Variants in CHD9 observed in about 807,000 individuals in gnomAD.
CHD9 encodes the protein chromodomain helicase DNA binding protein 9.
Under a neutral mutation model 316.1 loss-of-function variants are expected in CHD9, and 77 were observed. The observed-to-expected ratio is 0.24, with a 90% CI of 0.20 to 0.29. The LOEUF is 0.29. Ranked by LOEUF, CHD9 falls within the 10% of genes least tolerant of loss-of-function variation. CHD9 has a pLI of 1.00. For missense variants in CHD9, 2,763 were observed against 3,438.1 expected (o/e 0.80, Z 4.91); for synonymous variants, 1,129 against 1,158.3 (o/e 0.97, Z 0.51).
intron 1 of CHD9, among the ~76,000 whole-genome samples, chr16:53,098,658 G>A (rs139995029): frequency 0.011 from 1,729 of 152,144 alleles, 22 homozygotes; most frequent in Non-Finnish European, 0.018. Flanking sequence ...CTCAATCAAC[G>A]CGAGGCAGGA....
chr16:53,170,948 A>C (rs1482884886), intron 2 of CHD9, among the ~76,000 whole-genome samples: 1 of 152,188 alleles, frequency 6.6e-6, no homozygotes, highest in African/African-American at 2.4e-5. Flanking sequence ...CATATAACAA[A>C]TATGCATAAC....
rs546202794 is a variant in CHD9 at position 53,325,774 on chromosome 16, T to G, written c.*879T>G. 7 of 152,330 alleles carry G rather than the reference T, an allele frequency of 4.6e-5. No individual in the cohort carries two copies. Among genetic ancestry groups the G allele is most frequent in the African/African-American group, 1.7e-4 (7 of 41,574 alleles). The allele number at this position is 152,330 out of a possible 1,614,324, so 9.4% of individuals were successfully genotyped here. ...TTTCCAGGGTTCAGAAAAGGCAAAC[T>G]CATGAAATGCCACTGAAAAGAACTT... On this transcript the variant is annotated 3_prime_UTR_variant, in exon 39 of 39. Coordinates refer to ENST00000447540, the MANE Select transcript of CHD9 (RefSeq NM_001308319.2).
rs756750731 is a variant in CHD9, at chr16:53,324,070, G to A, written c.7869G>A (p.Val2623=). The change falls in exon 39 of 39, where the codon GTG becomes GTA. Residue 2623 remains valine (V), a synonymous_variant. Transcript: ENST00000447540. ...MYERILTGPV[V]REEVSRRGRR... ...AACGTATTCTCACTGGTCCCGTTGT[G>A]AGAGAGGAAGTAAGCAGGCGGGGGA... The A allele has an allele frequency of 3.7e-6, 6 of 1,613,802 alleles. No homozygotes were observed.
intron 29 of CHD9, among the ~76,000 whole-genome samples, chr16:53,295,423 G>A (rs780024144): frequency 4.6e-5 from 7 of 152,060 alleles, no homozygotes; most frequent in Non-Finnish European, 8.8e-5. Context: ...CACTGCACTC[G>A]GCCTCTTCTA....
chr16:53,167,077 GCAGTACCCA>G (rs967284119), intron 2 of CHD9, among the ~76,000 whole-genome samples: 2 of 152,138 alleles, frequency 1.3e-5, no homozygotes, highest in African/African-American at 4.8e-5. Context: ...AGAAGTGACA[GCAGTACCCA>G]CACTATGGAC....
chr16:53,312,807 T>G (rs986016279), intron 34 of CHD9, among the ~76,000 whole-genome samples: 1 of 152,206 alleles, frequency 6.6e-6, no homozygotes, highest in African/African-American at 2.4e-5. Context: ...TTGTGACTTC[T>G]GTGAAGTTAC....
intron 24 of CHD9, among the ~76,000 whole-genome samples, chr16:53,281,670 T>C (rs2053429757): frequency 6.6e-6 from 1 of 152,168 alleles, no homozygotes; most frequent in African/African-American, 2.4e-5. Flanking sequence ...CGTACTTTCT[T>C]TACTGTGTCC....
chr16:53,100,150 G>C (rs1254389996), intron 1 of CHD9, among the ~76,000 whole-genome samples: 1 of 152,180 alleles, frequency 6.6e-6, no homozygotes, highest in Admixed American at 6.5e-5. Flanking sequence ...CAAATAATGG[G>C]ATAAACCTAC....
At chr16:53,225,823 CTATTT>C (rs1444039392) in intron 4 of CHD9, among the ~76,000 whole-genome samples, 1 of 151,966 alleles carries the variant, frequency 6.6e-6, no homozygotes, top group African/African-American at 2.4e-5. Context: ...TTGGCAAACA[CTATTT>C]AATTTATTCT....
chr16:53,322,225 G>A (rs2057325157), intron 38 of CHD9, among the ~76,000 whole-genome samples: 1 of 151,300 alleles, frequency 6.6e-6, no homozygotes, highest in East Asian at 2.0e-4. Flanking sequence ...TTGAACTCCT[G>A]GCCTCAAGTG....
intron 36 of CHD9, 124 bp downstream of exon 36, chr16:53,315,168 T>A: frequency 1.5e-6 from 1 of 671,838 alleles, no homozygotes; most frequent in African/African-American, 1.8e-5. Context: ...CTAGGAGAAT[T>A]AGCAGAAAAA....
chr16:53,268,574 T>C (rs973653206), intron 22 of CHD9, among the ~76,000 whole-genome samples: 7 of 152,160 alleles, frequency 4.6e-5, no homozygotes, highest in East Asian at 1.9e-4. Flanking sequence ...AAAGTAGATA[T>C]CAAGAATGGA....
intron 19 of CHD9, among the ~76,000 whole-genome samples, chr16:53,262,618 C>T (rs2051257032): frequency 6.6e-6 from 1 of 152,122 alleles, no homozygotes. Context: ...AAAATTAACT[C>T]TGTAGTGCAG....
At chr16:53,285,485 ATCCTAAGCTCTCTCT>A in intron 24 of CHD9, 96 bp from the exon 25 acceptor site, 1 of 484,088 alleles carries the variant, frequency 2.1e-6, no homozygotes, top group Non-Finnish European at 3.6e-6. Context: ...AAATAATGAA[ATCCTAAGCTCTCTCT>A]TGAAAGCCAC....
intron 1 of CHD9, among the ~76,000 whole-genome samples, chr16:53,105,916 G>A (rs1245820822): frequency 6.6e-6 from 1 of 151,502 alleles, no homozygotes; most frequent in African/African-American, 2.4e-5. Context: ...TCCGCGTCCT[G>A]GGTTCAAGCA....
chr16:53,165,594 C>G (rs1036391022), intron 2 of CHD9, among the ~76,000 whole-genome samples: 1 of 151,898 alleles, frequency 6.6e-6, no homozygotes, highest in Non-Finnish European at 1.5e-5. Flanking sequence ...CAGGAATTAC[C>G]CTAACTTAAT....
intron 27 of CHD9, among the ~76,000 whole-genome samples, chr16:53,291,073 A>G (rs2054292511): frequency 6.6e-6 from 1 of 152,208 alleles, no homozygotes; most frequent in Non-Finnish European, 1.5e-5. Context: ...TCCAAGAAAC[A>G]TCATGGTGAA....
intron 17 of CHD9, 98 bp from the exon 18 acceptor site, chr16:53,254,340 T>C (rs2050391150): frequency 1.3e-6 from 1 of 791,448 alleles, no homozygotes; most frequent in South Asian, 4.0e-5. Context: ...ATAAAAATGG[T>C]CTAAGAATTC....
intron 1 of CHD9, among the ~76,000 whole-genome samples, chr16:53,057,419 C>T (rs921339858): frequency 1.3e-5 from 2 of 151,626 alleles, no homozygotes; most frequent in Non-Finnish European, 2.9e-5. Context: ...TTTGGGAGGC[C>T]GAGGTGGGTG....
Sources: gnomAD v4.1 joint callset for allele counts (sites outside exome capture counted in the v4.1 genomes callset) on GRCh38, gnomAD v4.1.1 for gene constraint, MANE v1.5 for transcripts, NCBI Gene and HGNC (gene_info 2026-07-23, HGNC 2026-07-21) for gene names.